The following UGT1A8 variants were observed in gnomAD, a reference collection of about 807,000 sequenced individuals.
The protein encoded by UGT1A8 is UDP-glucuronosyltransferase 1A8.
Under a neutral mutation model 45.3 loss-of-function variants are expected in UGT1A8, and 39 were observed. The ratio of observed to expected loss-of-function variants is 0.86; its 90% confidence interval spans 0.67 to 1.12. UGT1A8 has a LOEUF of 1.12. UGT1A8 is among the 50% of genes most tolerant of loss of function. UGT1A8 has a pLI of 0.00. For synonymous variants in UGT1A8, 275 were observed against 249.2 expected, an observed-to-expected ratio of 1.10 and a Z score of -0.97; for missense variants, 719 against 664.9, an observed-to-expected ratio of 1.08 and a Z score of -0.90.
At chr2:233,704,891 T>C (rs2075812079) in intron 1 of UGT1A8, among the ~76,000 whole-genome samples, 2 of 152,120 alleles carry the variant, frequency 1.3e-5, no homozygotes. Flanking sequence ...CCCAGCACTT[T>C]GGAAGGCTGA....
At chr2:233,724,731 AG>A (rs1324353802) in intron 1 of UGT1A8, among the ~76,000 whole-genome samples, 1 of 143,714 alleles carries the variant, frequency 7.0e-6, no homozygotes, top group Non-Finnish European at 1.5e-5. Context: ...AGCCAGGCAG[AG>A]GGGCTCCTCA....
At chr2:233,703,200 C>A (rs1199767775) in intron 1 of UGT1A8, among the ~76,000 whole-genome samples, 1 of 152,068 alleles carries the variant, frequency 6.6e-6, no homozygotes, top group African/African-American at 2.4e-5. Context: ...AGGAATTTGT[C>A]AATTTTATCT....
At chr2:233,712,262 T>G (rs1270284843) in intron 1 of UGT1A8, among the ~76,000 whole-genome samples, 1 of 152,236 alleles carries the variant, frequency 6.6e-6, no homozygotes, top group African/African-American at 2.4e-5. Context: ...TGCACATGTG[T>G]GCTTTAGACA....
At chr2:233,747,940 T>C in intron 1 of UGT1A8, 1 of 1,613,178 alleles carries the variant, frequency 6.2e-7, no homozygotes, top group Non-Finnish European at 8.5e-7. Flanking sequence ...CAGAGGGAGG[T>C]GTCAGTGGTG....
At chr2:233,627,620 C>CCTTT (rs1471157297) in intron 1 of UGT1A8, among the ~76,000 whole-genome samples, 6 of 140,050 alleles carry the variant, frequency 4.3e-5, no homozygotes, top group Non-Finnish European at 7.9e-5. Flanking sequence ...TTCCTTCCTT[C>CCTTT]CTTTCTTCCT....
chr2:233,694,924 A>C (rs17864690), intron 1 of UGT1A8, among the ~76,000 whole-genome samples: 9,219 of 152,270 alleles, frequency 0.061, 475 homozygotes, highest in African/African-American at 0.14. Flanking sequence ...ATGTGCGATG[A>C]TCAAATCAGG....
chr2:233,724,006 C>T (rs1270251219), intron 1 of UGT1A8, among the ~76,000 whole-genome samples: 22 of 69,754 alleles, frequency 3.2e-4, no homozygotes, highest in Admixed American at 5.0e-4. Flanking sequence ...TCCACAAAGC[C>T]GCCATTGTCA....
At chr2:233,709,744 TAAAC>T (rs1311718504) in intron 1 of UGT1A8, among the ~76,000 whole-genome samples, 1 of 152,218 alleles carries the variant, frequency 6.6e-6, no homozygotes, top group Non-Finnish European at 1.5e-5. Context: ...ACTACTAAAA[TAAAC>T]ATTATTGGAG....
chr2:233,620,837 A>G (rs935222822), intron 1 of UGT1A8, among the ~76,000 whole-genome samples: 7 of 152,204 alleles, frequency 4.6e-5, no homozygotes, highest in Admixed American at 6.5e-5. Flanking sequence ...CTTGTTTCAG[A>G]TGCCAGGATA....
At chr2:233,666,749 T>A (rs1193004519) in intron 1 of UGT1A8, among the ~76,000 whole-genome samples, 2 of 151,982 alleles carry the variant, frequency 1.3e-5, no homozygotes, top group Non-Finnish European at 2.9e-5. Flanking sequence ...GCTGCACCCA[T>A]TAACTCGTCA....
At chr2:233,760,122 C>A (rs535497865) in intron 1 of UGT1A8, 1 of 1,292,030 alleles carries the variant, frequency 7.7e-7, no homozygotes, top group East Asian at 2.5e-5. Flanking sequence ...TAATAAAGCT[C>A]CACCTTCTTT....
intron 1 of UGT1A8, among the ~76,000 whole-genome samples, chr2:233,695,323 A>G (rs2075280917): frequency 6.6e-6 from 1 of 151,690 alleles, no homozygotes. Flanking sequence ...GCGGGGTTTC[A>G]CCACGTTGGC....
At chr2:233,747,557 A>C (rs1485247055) in intron 1 of UGT1A8, 7 of 1,596,092 alleles carry the variant, frequency 4.4e-6, no homozygotes, top group Non-Finnish European at 6.0e-6. Flanking sequence ...AAAGTATGGC[A>C]ATTTTGAAAA....
intron 1 of UGT1A8, among the ~76,000 whole-genome samples, chr2:233,678,560 G>A (rs541941089): frequency 6.6e-6 from 1 of 152,162 alleles, no homozygotes; most frequent in Non-Finnish European, 1.5e-5. Context: ...CTTTTATACA[G>A]TACTAATCCT....
At chr2:233,715,625 A>T (rs2076461425) in intron 1 of UGT1A8, among the ~76,000 whole-genome samples, 1 of 152,080 alleles carries the variant, frequency 6.6e-6, no homozygotes, top group Admixed American at 6.6e-5. Context: ...TTAAAAAATT[A>T]TCCAGGTGTG....
intron 1 of UGT1A8, among the ~76,000 whole-genome samples, chr2:233,699,850 C>G (rs1217397789): frequency 6.6e-6 from 1 of 152,144 alleles, no homozygotes; most frequent in Non-Finnish European, 1.5e-5. Context: ...TCCCCTAGGA[C>G]AGATATGTCT....
rs141296723 is a variant in UGT1A8, at chr2:233,682,649, C to T, written c.855+64087C>T. The T allele has an allele frequency of 3.8e-5, 62 of 1,613,882 alleles. No individual in the cohort carries two copies. In the African/African-American group the frequency reaches 7.2e-4, roughly 19 times the overall value. On this transcript the variant is annotated intron_variant, in intron 1 of 4. Coordinates refer to ENST00000373450, the MANE Select transcript of UGT1A8 (RefSeq NM_019076.5). ...AATAGCCTCTGAAATTCTCCAAACCCCTGTCACGGCATATGATCTCTACAG... is the reference window on the plus strand; with the variant it reads ...AATAGCCTCTGAAATTCTCCAAACCTCTGTCACGGCATATGATCTCTACAG...
rs1190713460 is a variant in UGT1A8 at position 233,755,086 on chromosome 2, G to T, written c.856-11948G>T. ...TCGCCATAGCGGTCATAGATATCGC[G>T]TTTCTACGCGTCCGACAACACCTCG... On this transcript the variant is annotated intron_variant, in intron 1 of 4. Coordinates refer to ENST00000373450, the MANE Select transcript of UGT1A8 (RefSeq NM_019076.5). The T allele has an allele frequency of 7.5e-6, 10 of 1,335,354 alleles. No homozygotes were observed. In the African/African-American group the frequency reaches 1.5e-4, roughly 20 times the overall value. 82.7% of individuals were successfully genotyped at this position (1,335,354 alleles called of 1,614,324 possible). A position where few individuals can be genotyped will look rare whatever the true frequency, so the allele number is the denominator to read the frequency against.
chr2:233,666,726 G>A (rs2074083963), intron 1 of UGT1A8, among the ~76,000 whole-genome samples: 1 of 151,674 alleles, frequency 6.6e-6, no homozygotes, highest in Admixed American at 6.6e-5. Context: ...GTATACATGT[G>A]CCATGTTGGT....
Sources: allele counts gnomAD v4.1 joint callset (sites outside exome capture counted in the v4.1 genomes callset), GRCh38; gene constraint gnomAD v4.1.1; transcripts MANE v1.5; gene names NCBI Gene and HGNC (gene_info 2026-07-23, HGNC 2026-07-21).